GPC3: variants seen among roughly 807,000 people sequenced by gnomAD.
GPC3 encodes the protein glypican 3.
A neutral mutation model predicts 34.4 loss-of-function variants in GPC3; 3 were observed. The ratio of observed to expected loss-of-function variants is 0.09; its 90% CI spans 0.04 to 0.23. GPC3 has a LOEUF of 0.23. Among genes scored for constraint, GPC3 ranks in the 10% least tolerant of loss-of-function variants. GPC3 has a pLI of 1.00. For synonymous variants in GPC3, 177 were observed against 174.0 expected, an observed-to-expected ratio of 1.02 and a Z score of -0.13; for missense variants, 351 against 445.6, an observed-to-expected ratio of 0.79 and a Z score of 1.91.
At chrX:133,661,122 C>T (rs5977903) in intron 6 of GPC3, among the ~76,000 whole-genome samples, 37,757 of 110,772 alleles carry the variant, frequency 0.34, 8,709 homozygotes, top group African/African-American at 0.83. Context: ...TAAGCCATGA[C>T]TGTGCCACTG....
intron 1 of GPC3, among the ~76,000 whole-genome samples, chrX:133,958,163 A>G (rs776325882): frequency 8.9e-6 from 1 of 112,403 alleles, no homozygotes; most frequent in Non-Finnish European, 1.9e-5. Flanking sequence ...ACTCCCATTC[A>G]GCCCTGTACA....
intron 2 of GPC3, among the ~76,000 whole-genome samples, chrX:133,905,411 C>T (rs191102554): frequency 8.9e-6 from 1 of 112,446 alleles, no homozygotes; most frequent in Admixed American, 9.4e-5. Context: ...AAGCTATTAA[C>T]ATTTGCCAGA....
intron 2 of GPC3, among the ~76,000 whole-genome samples, chrX:133,815,743 T>C (rs1439816616): frequency 8.9e-6 from 1 of 111,789 alleles, no homozygotes; most frequent in Non-Finnish European, 1.9e-5. Flanking sequence ...AAGAGAATGC[T>C]GTTTCATTTA....
chrX:133,822,998 G>A (rs1279687654), intron 2 of GPC3, among the ~76,000 whole-genome samples: 3 of 107,158 alleles, frequency 2.8e-5, no homozygotes, highest in African/African-American at 1.0e-4. Flanking sequence ...GTGTGGTGGC[G>A]GGTGCCTGTA....
intron 2 of GPC3, among the ~76,000 whole-genome samples, chrX:133,858,491 ATC>A (rs2075917793): frequency 9.0e-6 from 1 of 111,270 alleles, no homozygotes; most frequent in Non-Finnish European, 1.9e-5. Flanking sequence ...ACTCTCATAT[ATC>A]TCTCTCTCCT....
intron 2 of GPC3, among the ~76,000 whole-genome samples, chrX:133,913,307 G>C (rs1252369721): frequency 8.9e-6 from 1 of 112,117 alleles, no homozygotes; most frequent in Non-Finnish European, 1.9e-5. Context: ...CTGGAACCAA[G>C]GGAAGAGAAA....
chrX:133,550,736 A>T (rs1320063106), intron 7 of GPC3, among the ~76,000 whole-genome samples: 2 of 111,974 alleles, frequency 1.8e-5, no homozygotes, highest in African/African-American at 6.5e-5. Flanking sequence ...CTAACTGATG[A>T]TTTCCTTAGG....
intron 2 of GPC3, among the ~76,000 whole-genome samples, chrX:133,837,007 A>G (rs2075803216): frequency 8.9e-6 from 1 of 112,075 alleles, no homozygotes; most frequent in Non-Finnish European, 1.9e-5. Context: ...GAAAAAAAGC[A>G]GGTTTGCTTA....
intron 5 of GPC3, among the ~76,000 whole-genome samples, chrX:133,689,847 T>C (rs1425082166): frequency 8.9e-6 from 1 of 112,171 alleles, no homozygotes; most frequent in Non-Finnish European, 1.9e-5. Flanking sequence ...TAAAGTAACA[T>C]AACACTGGAC....
In GPC3 at chrX:133,609,636, A is replaced by G. The variant is rs766096372; in HGVS notation, c.1414-13037T>C. Among the ~76,000 whole-genome samples the G allele has an allele frequency of 3.6e-5, 4 of 112,413 alleles. No homozygotes were observed. In the Admixed American group the frequency reaches 3.8e-4, roughly 11 times the overall value. On this transcript the variant is annotated intron_variant, in intron 6 of 7. Transcript: ENST00000370818. ...CAAAATTCATAGTCATTTAACATCT[A>G]CATATTATTGATATTGGTGAAGATT...
intron 2 of GPC3, among the ~76,000 whole-genome samples, chrX:133,894,431 T>C (rs2076102648): frequency 8.9e-6 from 1 of 112,143 alleles, no homozygotes; most frequent in South Asian, 3.7e-4. Context: ...TAAAATCATG[T>C]TTTATCTCTA....
chrX:133,754,690 C>G, intron 2 of GPC3, among the ~76,000 whole-genome samples: 1 of 112,126 alleles, frequency 8.9e-6, no homozygotes, highest in Non-Finnish European at 1.9e-5. Context: ...TAAAAGCTAT[C>G]ACGAATTTAA....
At chrX:133,669,858 C>T (rs1015563020) in intron 5 of GPC3, among the ~76,000 whole-genome samples, 1 of 111,667 alleles carries the variant, frequency 9.0e-6, no homozygotes, top group African/African-American at 3.3e-5. Context: ...CTTCTTTATC[C>T]AGTTTGGTAA....
At chrX:133,771,710 C>T (rs2071922334) in intron 2 of GPC3, among the ~76,000 whole-genome samples, 1 of 112,361 alleles carries the variant, frequency 8.9e-6, no homozygotes, top group Admixed American at 9.4e-5. Flanking sequence ...GAAGTCACTA[C>T]AGTCTATGCC....
Position 133,841,215 on chromosome X carries a change from ATTTTTT to A in GPC3, c.338-87045_338-87040del, listed in dbSNP as rs769696321. On this transcript the variant is annotated intron_variant, in intron 2 of 7. Coordinates refer to ENST00000370818, the MANE Select transcript of GPC3 (RefSeq NM_004484.4). ...ACCACCATGCCTGGCTAATCTTTTA[ATTTTTT>A]TTTTTTTTTTTTTTTTTGGTAGAGA... Among the ~76,000 whole-genome samples, 5 of 39,248 alleles carry A rather than the reference ATTTTTT, an allele frequency of 1.3e-4. 1 individual carries two copies. The highest frequency in any genetic ancestry group is 1.6e-4 in the Non-Finnish European group (3 of 18,663). 34.1% of individuals were successfully genotyped at this position (39,248 alleles called of 115,157 possible). A position where few individuals can be genotyped will look rare whatever the true frequency, so the allele number is the denominator to read the frequency against.
intron 2 of GPC3, among the ~76,000 whole-genome samples, chrX:133,758,926 T>C (rs150506067): frequency 1.7e-3 from 184 of 111,122 alleles, no homozygotes; most frequent in African/African-American, 5.8e-3. Flanking sequence ...CAAAAAATTT[T>C]ACAGCTAGCA....
chrX:133,658,229 C>T (rs1297519677), intron 6 of GPC3, among the ~76,000 whole-genome samples: 1 of 112,159 alleles, frequency 8.9e-6, no homozygotes, highest in African/African-American at 3.2e-5. Context: ...TATGTCTATA[C>T]AGCCATTAAT....
At chrX:133,796,077 C>T (rs1419300438) in intron 2 of GPC3, among the ~76,000 whole-genome samples, 2 of 108,251 alleles carry the variant, frequency 1.8e-5, no homozygotes, top group East Asian at 2.9e-4. Context: ...TGCCGAGTAG[C>T]TGGGACTACA....
chrX:133,847,961 A>C (rs1039633497), intron 2 of GPC3, among the ~76,000 whole-genome samples: 3 of 112,425 alleles, frequency 2.7e-5, no homozygotes, highest in Non-Finnish European at 5.6e-5. Flanking sequence ...TGTTTCTGAA[A>C]ACAGAAGCAG....
Sources: gnomAD v4.1 joint callset for allele counts (sites outside exome capture counted in the v4.1 genomes callset) on GRCh38, gnomAD v4.1.1 for gene constraint, MANE v1.5 for transcripts, NCBI Gene and HGNC (gene_info 2026-07-23, HGNC 2026-07-21) for gene names.